The following IRF5 variants were observed in gnomAD, a reference collection of about 807,000 sequenced individuals.
The protein encoded by IRF5 is interferon regulatory factor 5.
Under a neutral mutation model 55.1 loss-of-function variants are expected in IRF5, and 24 were observed. The ratio of observed to expected loss-of-function variants is 0.44; its 90% CI spans 0.32 to 0.61. The LOEUF (loss-of-function observed/expected upper bound fraction) is 0.61. IRF5 is among the 20% of genes least tolerant of loss of function. IRF5 has a pLI of 0.07. For synonymous variants in IRF5, 258 were observed against 260.2 expected, an observed-to-expected ratio of 0.99 and a Z score of 0.08; for missense variants, 499 against 658.5, an observed-to-expected ratio of 0.76 and a Z score of 2.65.
At chr7:128,939,074 G>C (rs1241530068) in intron 1 of IRF5, among the ~76,000 whole-genome samples, 1 of 151,408 alleles carries the variant, frequency 6.6e-6, no homozygotes, top group Non-Finnish European at 1.5e-5. Flanking sequence ...CAGGGGCGGA[G>C]GACTGGGCTG....
intron 2 of IRF5, among the ~76,000 whole-genome samples, chr7:128,942,714 G>T (rs563535501): frequency 1.3e-5 from 2 of 151,984 alleles, no homozygotes; most frequent in African/African-American, 4.8e-5. Context: ...CCCTTTGCTC[G>T]TCTCACTCCT....
Position 128,948,678 on chromosome 7 carries a change from C to T in IRF5, c.1405C>T (p.Arg469Cys), listed in dbSNP as rs201822184. The T allele has an allele frequency of 1.4e-5, 22 of 1,614,222 alleles. No homozygotes were observed. The highest frequency in any genetic ancestry group is 3.3e-5 in the Admixed American group (2 of 60,028). The change falls in exon 9 of 9, where the codon CGC (arginine) becomes TGC (cysteine). Residue 469 changes from arginine (R) to cysteine (C), a missense_variant. Coordinates refer to ENST00000357234, the MANE Select transcript of IRF5 (RefSeq NM_001098629.3). This position sits in a 1 kb window ranked among gnomAD's most constrained non-coding sequence, Gnocchi z 4.6. ...GATCTCAAACCCAGACCTCAAAGAC[C>T]GCATGGTGGAGCAATTCAAGGAGCT... ...LQISNPDLKD[R>C]MVEQFKELHH...
rs866193368 is a variant in IRF5 at position 128,946,894 on chromosome 7, A to T, written c.448-129A>T. The T allele has an allele frequency of 2.0e-5, 23 of 1,157,958 alleles. No homozygotes were observed. The Middle Eastern group carries it at 1.1e-3, about 55-fold the overall frequency. The allele number at this position is 1,157,958 out of a possible 1,614,324, so 71.7% of individuals were successfully genotyped here. A position where few individuals can be genotyped will look rare whatever the true frequency, so the allele number is the denominator to read the frequency against. ...GGGACCGGAGGCAGGGTCTTGCCTG[A>T]GCTAAACTGAGGCTAGGGGAGTTGC... On this transcript the variant is annotated intron_variant, in intron 4 of 8. Transcript: ENST00000357234. This position sits in a 1 kb window ranked among gnomAD's most constrained non-coding sequence, Gnocchi z 4.2.
intron 2 of IRF5, among the ~76,000 whole-genome samples, chr7:128,944,369 G>A (rs868506724): frequency 2.0e-5 from 3 of 152,102 alleles, no homozygotes; most frequent in African/African-American, 7.2e-5. Context: ...ATTTCCTAGA[G>A]TTGAAAATTG....
intron 2 of IRF5, chr7:128,942,983 T>A (rs1413523936): frequency 6.5e-6 from 1 of 153,796 alleles, no homozygotes; most frequent in Non-Finnish European, 1.4e-5. Flanking sequence ...TTTTCTAATT[T>A]TTTTTAGAGA....
Position 128,947,290 on chromosome 7 carries a change from GGCCGCCCACTCTGCA to G in IRF5, c.557_571del (p.Gln186_Leu190del), listed in dbSNP as rs756537030. 124 of 1,608,268 alleles carry G rather than the reference GGCCGCCCACTCTGCA, an allele frequency of 7.7e-5. No homozygotes were observed. The highest frequency in any genetic ancestry group is 5.0e-4 in the Admixed American group (30 of 59,598). ...TCTTTACTCAAAGAGGATGTCAAGT[GGCCGCCCACTCTGCA>G]GCCGCCCACTCTGCGGCCGCCTACT... On this transcript the variant is annotated inframe_deletion, in exon 6 of 9. Coordinates refer to ENST00000357234, the MANE Select transcript of IRF5 (RefSeq NM_001098629.3). The surrounding 1 kb of genome is among the most constrained non-coding windows in gnomAD (Gnocchi z 6.5).
chr7:128,943,484 C>G (rs1796140807), intron 2 of IRF5, among the ~76,000 whole-genome samples: 1 of 151,442 alleles, frequency 6.6e-6, no homozygotes, highest in South Asian at 2.1e-4. Flanking sequence ...AAGTGATCCT[C>G]CAGTCTCAGC....
In IRF5 at chr7:128,948,655, T is replaced by C; in HGVS notation, c.1382T>C (p.Ile461Thr). The C allele has an allele frequency of 6.2e-7, 1 of 1,614,160 alleles. No homozygotes were observed. Among genetic ancestry groups the C allele is most frequent in the Non-Finnish European group, 8.5e-7 (1 of 1,180,034 alleles). Residue 461 changes from isoleucine to threonine, a missense_variant, in exon 9 of 9, where the codon ATC (isoleucine) becomes ACC (threonine). By Grantham distance (89) the Ile-to-Thr change is moderately conservative (BLOSUM62 -1). Coordinates refer to ENST00000357234, the MANE Select transcript of IRF5 (RefSeq NM_001098629.3). This position sits in a 1 kb window ranked among gnomAD's most constrained non-coding sequence, Gnocchi z 4.6. ...SWSADSIRLQ[I>T]SNPDLKDRMV... ...TCAGCTGATAGTATCCGGCTACAGA[T>C]CTCAAACCCAGACCTCAAAGACCGC...
chr7:128,946,241 G>C lies in IRF5; in HGVS notation c.385+207G>C, dbSNP rs533675015. 7.9e-4 allele frequency among the ~76,000 whole-genome samples: 120 copies of C among 152,374 alleles called. No homozygotes were observed. The highest frequency in any genetic ancestry group is 2.7e-3 in the African/African-American group (112 of 41,590). On this transcript the variant is annotated intron_variant, in intron 3 of 8. Coordinates refer to ENST00000357234, the MANE Select transcript of IRF5 (RefSeq NM_001098629.3). The surrounding 1 kb of genome is among the most constrained non-coding windows in gnomAD (Gnocchi z 4.2). Reference sequence around the variant, plus strand: ...ACTGGCATATCAGGAATGGCTTGGCGTGCAGTCAGGGACCTGGGTGCTTCT... The same window carrying C: ...ACTGGCATATCAGGAATGGCTTGGCCTGCAGTCAGGGACCTGGGTGCTTCT...
In IRF5 at chr7:128,948,833, G is replaced by T; in HGVS notation, c.*15G>T. 6.3e-7 allele frequency: 1 copy of T among 1,595,206 alleles called. No individual in the cohort carries two copies. The highest frequency in any genetic ancestry group is 8.5e-7 in the Non-Finnish European group (1 of 1,176,754). ...GCATGCAATAACAAGGCTGCAGACG[G>T]TGACTGGCCCTGGCTTCCTGGGTGG... is the stretch of plus-strand genomic sequence containing the variant. On this transcript the variant is annotated 3_prime_UTR_variant, in exon 9 of 9. Coordinates refer to ENST00000357234, the MANE Select transcript of IRF5 (RefSeq NM_001098629.3). The surrounding 1 kb of genome is among the most constrained non-coding windows in gnomAD (Gnocchi z 4.6).
intron 1 of IRF5, among the ~76,000 whole-genome samples, chr7:128,939,576 C>T (rs1488580892): frequency 1.3e-5 from 2 of 152,132 alleles, no homozygotes; most frequent in African/African-American, 2.4e-5. Context: ...AGCAGCAGGG[C>T]GCCTGCTGTC....
intron 2 of IRF5, among the ~76,000 whole-genome samples, chr7:128,943,707 A>ATTTT (rs61451031): frequency 0.011 from 768 of 71,864 alleles, 19 homozygotes; most frequent in East Asian, 0.035. Flanking sequence ...TGCCCGGCTA[A>ATTTT]TTTTTTTTTT....
Position 128,948,483 on chromosome 7 carries a change from T to C in IRF5, c.1300-90T>C. 1.3e-6 allele frequency: 2 copies of C among 1,554,056 alleles called. No individual in the cohort carries two copies. The highest frequency in any genetic ancestry group is 2.4e-5 in the South Asian group (2 of 84,404). On this transcript the variant is annotated intron_variant, in intron 8 of 8. Coordinates refer to ENST00000357234, the MANE Select transcript of IRF5 (RefSeq NM_001098629.3). The surrounding 1 kb of genome is among the most constrained non-coding windows in gnomAD (Gnocchi z 4.6). ...GCTCAGAGCCGGAGAATGCGGTCTATTACTCACCCCTGATGGCTGTCCTCA... is the reference window on the plus strand; with the variant it reads ...GCTCAGAGCCGGAGAATGCGGTCTACTACTCACCCCTGATGGCTGTCCTCA...
intron 1 of IRF5, among the ~76,000 whole-genome samples, chr7:128,939,500 C>T (rs1287323916): frequency 6.6e-6 from 1 of 152,132 alleles, no homozygotes; most frequent in Non-Finnish European, 1.5e-5. Flanking sequence ...TACAGGGAAC[C>T]CCTTGTCCTC....
At chr7:128,939,655 GCTCCTGGGTGGTGGTGGGGGCACTGT>G (rs1370875780) in intron 1 of IRF5, among the ~76,000 whole-genome samples, 1 of 152,188 alleles carries the variant, frequency 6.6e-6, no homozygotes, top group Non-Finnish European at 1.5e-5. Flanking sequence ...ATGAATTGCA[GCTCCTGGGTGGTGGTGGGGGCACTGT>G]CTCCTGGGAC....
At chr7:128,939,175 A>G (rs868271928) in intron 1 of IRF5, among the ~76,000 whole-genome samples, 3 of 152,164 alleles carry the variant, frequency 2.0e-5, no homozygotes, top group African/African-American at 7.2e-5. Flanking sequence ...GTAGCCCCTC[A>G]GGAGGCCCTC....
At chr7:128,944,697 A>G (rs767745376) in intron 2 of IRF5, among the ~76,000 whole-genome samples, 19 of 152,186 alleles carry the variant, frequency 1.2e-4, no homozygotes, top group Non-Finnish European at 1.8e-4. Context: ...TCTACTTTTC[A>G]TAAGAAATGC....
chr7:128,945,083 A>G (rs1796228953), intron 2 of IRF5, among the ~76,000 whole-genome samples: 1 of 152,166 alleles, frequency 6.6e-6, no homozygotes, highest in African/African-American at 2.4e-5. Context: ...TCCTATGTGC[A>G]GGTTTAGCTC....
Position 128,945,937 on chromosome 7 carries a change from G to A in IRF5, c.288G>A (p.Lys96=). ...WKANLRCALN[K]SRDFRLIYDG... is the part of the protein sequence containing the mutation. ...CCAACCTGCGCTGTGCCCTTAACAA[G>A]AGCCGGGACTTCCGCCTCATCTACG... The change falls in exon 3 of 9, where the codon AAG becomes AAA. Residue 96 remains lysine, a synonymous_variant. Coordinates refer to ENST00000357234, the MANE Select transcript of IRF5 (RefSeq NM_001098629.3). The A allele has an allele frequency of 3.1e-6, 5 of 1,613,538 alleles. No individual in the cohort carries two copies. Among genetic ancestry groups the A allele is most frequent in the Non-Finnish European group, 3.4e-6 (4 of 1,179,862 alleles).
Sources: allele counts gnomAD v4.1 joint callset (sites outside exome capture counted in the v4.1 genomes callset), GRCh38; gene constraint gnomAD v4.1.1; non-coding constraint Gnocchi (gnomAD v3.1); transcripts MANE v1.5; gene names NCBI Gene and HGNC (gene_info 2026-07-23, HGNC 2026-07-21).